PCDHA10: variants seen among roughly 807,000 people sequenced by gnomAD.
The protein encoded by PCDHA10 is protocadherin alpha 10, also known as protocadherin alpha-10.
A neutral mutation model predicts 61.2 loss-of-function variants in PCDHA10; 45 were observed. The observed-to-expected ratio is 0.74, with a 90% CI of 0.58 to 0.94. The LOEUF (loss-of-function observed/expected upper bound fraction) is 0.94, where lower values mean the gene tolerates loss of function less well. Ranked by LOEUF, PCDHA10 falls within the 40% of genes least tolerant of loss-of-function variation. The pLI is 0.00. For synonymous variants in PCDHA10, 602 were observed against 548.8 expected, an observed-to-expected ratio of 1.10 and a Z score of -1.35; for missense variants, 1,278 against 1,236.2, an observed-to-expected ratio of 1.03 and a Z score of -0.51.
chr5:140,857,464 C>T lies in PCDHA10; in HGVS notation c.1416C>T (p.His472=). Residue 472 remains histidine, a synonymous_variant, in exon 1 of 4, where the codon CAC becomes CAT. Transcript: ENST00000307360. ...AGGAGAACAACCCGCCAGGCTGCCACATCTTCACGGTGTCTGCGTGGGACG... is the reference window on the plus strand; with the variant it reads ...AGGAGAACAACCCGCCAGGCTGCCATATCTTCACGGTGTCTGCGTGGGACG... The part of the protein sequence containing the change: ...FVKENNPPGC[H]IFTVSAWDAD... 1.9e-6 allele frequency: 3 copies of T among 1,598,642 alleles called. 1 individual carries two copies. The South Asian group carries it at 3.3e-5, about 18-fold the overall frequency.
chr5:140,881,279 G>A, intron 1 of PCDHA10: 2 of 760,202 alleles, frequency 2.6e-6, no homozygotes, highest in South Asian at 6.0e-5. Flanking sequence ...GAAGTAAGAT[G>A]GAGAGAGAAA....
intron 1 of PCDHA10, among the ~76,000 whole-genome samples, chr5:140,937,123 C>T (rs1255527159): frequency 1.3e-5 from 2 of 151,390 alleles, no homozygotes; most frequent in Non-Finnish European, 2.9e-5. Context: ...CTGCAAGCTC[C>T]GCCTCCCGGG....
intron 1 of PCDHA10, among the ~76,000 whole-genome samples, chr5:140,907,719 C>A (rs2153502555): frequency 1.3e-5 from 2 of 152,330 alleles, no homozygotes; most frequent in South Asian, 4.1e-4. Flanking sequence ...CCATGTGTAA[C>A]CTCCATCCCT....
chr5:140,951,703 C>T (rs1000873823), intron 1 of PCDHA10, among the ~76,000 whole-genome samples: 3 of 152,110 alleles, frequency 2.0e-5, no homozygotes, highest in Non-Finnish European at 2.9e-5. Context: ...GAGCTTTGGG[C>T]GGGGACACAG....
At chr5:140,997,897 A>C (rs13175095) in intron 3 of PCDHA10, among the ~76,000 whole-genome samples, 9,880 of 152,266 alleles carry the variant, frequency 0.065, 363 homozygotes, top group East Asian at 0.12. Flanking sequence ...GATAAATTTC[A>C]AGAAGTAGAA....
At chr5:140,875,450 C>T (rs199938092) in intron 1 of PCDHA10, 2 of 1,590,620 alleles carry the variant, frequency 1.3e-6, no homozygotes, top group African/African-American at 1.3e-5. Flanking sequence ...ATTGTCCCAA[C>T]TCAGAGGCCC....
chr5:140,930,912 T>C (rs1205979304), intron 1 of PCDHA10, among the ~76,000 whole-genome samples: 3 of 152,196 alleles, frequency 2.0e-5, no homozygotes, highest in Non-Finnish European at 4.4e-5. Flanking sequence ...TTTTCTACTT[T>C]AGATGTGTAT....
rs782270666 is a variant in PCDHA10, at chr5:140,884,372, A to G, written c.2388+25936A>G. ...GGTGGATGTCAATGTTTACTTGATC[A>G]TTGCCATCTGCGCGGTGTCCAGCCT... On this transcript the variant is annotated intron_variant, in intron 1 of 3. Coordinates refer to ENST00000307360, the MANE Select transcript of PCDHA10 (RefSeq NM_018901.4). 6 of 1,613,806 alleles carry G rather than the reference A, an allele frequency of 3.7e-6. No homozygotes were observed. Among genetic ancestry groups the G allele is most frequent in the Non-Finnish European group, 5.1e-6 (6 of 1,179,874 alleles).
rs368334312 is a variant in PCDHA10 at position 140,876,999 on chromosome 5, G to A, written c.2388+18563G>A. The A allele has an allele frequency of 1.6e-5, 26 of 1,612,428 alleles. No homozygotes were observed. In the African/African-American group the frequency reaches 3.1e-4, roughly 19 times the overall value. ...AGCACGCACTGTCGAGCTACGTGTC[G>A]GTGCACGCGGAGAGCGGCAAGGTGT... On this transcript the variant is annotated intron_variant, in intron 1 of 3. Coordinates refer to ENST00000307360, the MANE Select transcript of PCDHA10 (RefSeq NM_018901.4).
Position 140,857,289 on chromosome 5 carries a change from G to C in PCDHA10, c.1241G>C (p.Arg414Pro). ...YSLVLDSALD[R>P]ERVSAYELVV... ...TTGGTGCTGGACAGCGCTCTGGACC[G>C]CGAGAGGGTGTCGGCCTATGAGCTG... The change falls in exon 1 of 4, where the codon CGC (arginine) becomes CCC (proline). Residue 414 changes from arginine to proline, a missense_variant. Arg to Pro is a moderately radical substitution (Grantham distance 103). Transcript: ENST00000307360. 2 of 1,598,692 alleles carry C rather than the reference G, an allele frequency of 1.3e-6. No individual in the cohort carries two copies. Among genetic ancestry groups the C allele is most frequent in the African/African-American group, 1.3e-5 (1 of 74,476 alleles).
intron 1 of PCDHA10, among the ~76,000 whole-genome samples, chr5:140,953,785 T>C (rs2094935669): frequency 6.6e-6 from 1 of 152,224 alleles, no homozygotes. Context: ...TTTATTTTTT[T>C]CTTCAACTTT....
rs782761361 is a variant in PCDHA10, at chr5:140,927,794, C to T, written c.2389-51155C>T. 1.2e-5 allele frequency: 20 copies of T among 1,614,154 alleles called. No individual in the cohort carries two copies. In the South Asian group the frequency reaches 1.6e-4, roughly 13 times the overall value. Reference sequence around the variant, plus strand: ...GTGCAAGTAGCTGCTTCACTAGGTCCGCCTGAAACGCTCTTGGAGGCATAC... The same window carrying T: ...GTGCAAGTAGCTGCTTCACTAGGTCTGCCTGAAACGCTCTTGGAGGCATAC... On this transcript the variant is annotated intron_variant, in intron 1 of 3. Coordinates refer to ENST00000307360, the MANE Select transcript of PCDHA10 (RefSeq NM_018901.4).
At chr5:141,000,743 T>TA (rs527867626) in intron 3 of PCDHA10, among the ~76,000 whole-genome samples, 4,963 of 145,376 alleles carry the variant, frequency 0.034, 280 homozygotes, top group African/African-American at 0.12. Flanking sequence ...CTCTGTATAT[T>TA]AAAAAAAAAA....
At chr5:140,979,710 A>G (rs1178718053) in intron 2 of PCDHA10, among the ~76,000 whole-genome samples, 1 of 152,268 alleles carries the variant, frequency 6.6e-6, no homozygotes, top group Non-Finnish European at 1.5e-5. Flanking sequence ...GAGGTGATCC[A>G]GTATCCATGC....
chr5:140,928,876 C>T (rs1554206456), intron 1 of PCDHA10: 1 of 1,614,194 alleles, frequency 6.2e-7, no homozygotes, highest in Non-Finnish European at 8.5e-7. Context: ...CTCTGTCCCT[C>T]AGTTACTTCC....
intron 1 of PCDHA10, among the ~76,000 whole-genome samples, chr5:140,925,696 A>G (rs2153579068): frequency 6.6e-6 from 1 of 150,926 alleles, no homozygotes; most frequent in African/African-American, 2.4e-5. Context: ...GTGGGTATCT[A>G]GCCTATTCTT....
chr5:140,926,857 T>C (rs782114974), intron 1 of PCDHA10: 12 of 1,520,736 alleles, frequency 7.9e-6, no homozygotes, highest in Admixed American at 2.2e-5. Context: ...ACCGTTGGTG[T>C]AGCGTGTTGG....
In PCDHA10 at chr5:140,857,667, G is replaced by A. The variant is rs375722457; in HGVS notation, c.1619G>A (p.Gly540Asp). 3.4e-5 allele frequency: 54 copies of A among 1,596,806 alleles called. 7 individuals are homozygous for A. The highest frequency in any genetic ancestry group is 4.5e-5 in the Non-Finnish European group (52 of 1,167,800). ...TTCCAGGTGAGCGCGCGCGATGGGGGCGTGCCGCCTCTGGGCAGCAACTTG... is the reference window on the plus strand; with the variant it reads ...TTCCAGGTGAGCGCGCGCGATGGGGACGTGCCGCCTCTGGGCAGCAACTTG... The part of the protein sequence containing the change: ...LQFQVSARDG[G>D]VPPLGSNLTL... Residue 540 changes from glycine to aspartate, a missense_variant, in exon 1 of 4, where the codon GGC (glycine) becomes GAC (aspartate). Coordinates refer to ENST00000307360, the MANE Select transcript of PCDHA10 (RefSeq NM_018901.4).
Position 140,857,932 on chromosome 5 carries a change from C to A in PCDHA10, c.1884C>A (p.Gly628=), listed in dbSNP as rs1393571264. 1 of 1,597,630 alleles carries A rather than the reference C, an allele frequency of 6.3e-7. No individual in the cohort carries two copies. The highest frequency in any genetic ancestry group is 1.3e-5 in the African/African-American group (1 of 74,338). Reference sequence around the variant, plus strand: ...CGTTTCGCGTGGGGCTGTACACGGGCGAGATCAGTACGACGCGCGCTCTGG... The same window carrying A: ...CGTTTCGCGTGGGGCTGTACACGGGAGAGATCAGTACGACGCGCGCTCTGG... ...RIPFRVGLYT[G]EISTTRALDE... The change falls in exon 1 of 4, where the codon GGC becomes GGA. Residue 628 remains glycine (G), a synonymous_variant. Transcript: ENST00000307360.
Sources: gnomAD v4.1 joint callset for allele counts (sites outside exome capture counted in the v4.1 genomes callset) on GRCh38, gnomAD v4.1.1 for gene constraint, MANE v1.5 for transcripts, NCBI Gene and HGNC (gene_info 2026-07-23, HGNC 2026-07-21) for gene names.